Variants in CFAP44 observed in about 807,000 individuals in gnomAD.
The protein encoded by CFAP44 is cilia and flagella associated protein 44.
CFAP44 carries 134 observed loss-of-function variants against 216.2 expected under a neutral mutation model. That is an observed-to-expected ratio of 0.62 (90% confidence interval 0.54 to 0.72). CFAP44 has a LOEUF of 0.72. Among genes scored for constraint, CFAP44 ranks in the 30% least tolerant of loss-of-function variants. The pLI is 0.00. For missense variants in CFAP44, 2,035 were observed against 2,182.1 expected, an observed-to-expected ratio of 0.93 and a Z score of 1.34; for synonymous variants, 700 against 727.6, an observed-to-expected ratio of 0.96 and a Z score of 0.61.
At chr3:113,330,076 G>T in intron 26 of CFAP44, 92 bp downstream of exon 26, 1 of 1,416,604 alleles carries the variant, frequency 7.1e-7, no homozygotes, top group Non-Finnish European at 9.2e-7. Context: ...TTCATGCAGA[G>T]AAATTTTAAA....
intron 32 of CFAP44, among the ~76,000 whole-genome samples, chr3:113,298,055 C>T (rs1262282621): frequency 1.3e-5 from 2 of 152,224 alleles, no homozygotes; most frequent in African/African-American, 2.4e-5. Flanking sequence ...ATGATGTGCA[C>T]GTGTGTGCTG....
Position 113,417,340 on chromosome 3 carries a change from C to A in CFAP44, c.571-713G>T, listed in dbSNP as rs1171930423. 3 of 152,014 alleles carry A rather than the reference C, an allele frequency of 2.0e-5. No individual in the cohort carries two copies. The East Asian group carries it at 5.8e-4, about 29-fold the overall frequency. 9.4% of individuals were successfully genotyped at this position (152,014 alleles called of 1,614,324 possible). ...CACAGAGGAAAATACAGTAAGTATG[C>A]CCTGGATAAACTATTTGTGTCAGTA... is the stretch of plus-strand genomic sequence containing the variant. On this transcript the variant is annotated intron_variant, in intron 5 of 34. Coordinates refer to ENST00000393845, the MANE Select transcript of CFAP44 (RefSeq NM_001164496.2).
At position 113,330,808 on chromosome 3, in the gene CFAP44, C is replaced by G. The variant is rs144146436; in HGVS notation, c.3616-140G>C. 7.4e-4 allele frequency: 895 copies of G among 1,208,024 alleles called. 5 individuals are homozygous for G. The African/African-American group carries it at 0.012, about 16-fold the overall frequency. 74.8% of individuals were successfully genotyped at this position (1,208,024 alleles called of 1,614,324 possible). ...TTCATCTGATCATACCTTTTTACCA[C>G]CAAGTTTCCCTTTTCTTTAATATTG... On this transcript the variant is annotated intron_variant, in intron 25 of 34. Coordinates refer to ENST00000393845, the MANE Select transcript of CFAP44 (RefSeq NM_001164496.2).
Position 113,396,589 on chromosome 3 carries a change from C to A in CFAP44, c.1708G>T (p.Val570Phe). 1 of 1,614,056 alleles carries A rather than the reference C, an allele frequency of 6.2e-7. No homozygotes were observed. Among genetic ancestry groups the A allele is most frequent in the Non-Finnish European group, 8.5e-7 (1 of 1,180,008 alleles). ...ACACAAGCAGTATGGGGTTTGAAAA[C>A]CTGTTTCAACTGAATATCAGCATCC... ...ILDADIQLKQ[V>F]FKPHTACVTA... Residue 570 changes from valine to phenylalanine, a missense_variant, in exon 14 of 35, where the codon GTT (valine) becomes TTT (phenylalanine). This residue lies in a region of CFAP44 where 1,883 missense variants were observed against 2,023.7 expected (regional missense o/e 0.93). Coordinates refer to ENST00000393845, the MANE Select transcript of CFAP44 (RefSeq NM_001164496.2).
chr3:113,431,357 T>A (rs911631437), intron 2 of CFAP44, among the ~76,000 whole-genome samples: 1 of 152,024 alleles, frequency 6.6e-6, no homozygotes, highest in Non-Finnish European at 1.5e-5. Context: ...GCATCTGACA[T>A]AAGGAAGGCA....
At chr3:113,406,089 AATTAACT>A in intron 8 of CFAP44, among the ~76,000 whole-genome samples, 1 of 152,366 alleles carries the variant, frequency 6.6e-6, no homozygotes, top group Admixed American at 6.5e-5. Context: ...AACTAATCCT[AATTAACT>A]ATTGTTTCAG....
chr3:113,366,226 G>A lies in CFAP44; in HGVS notation c.2528C>T (p.Thr843Ile). 1 of 1,613,882 alleles carries A rather than the reference G, an allele frequency of 6.2e-7. No individual in the cohort carries two copies. Among genetic ancestry groups the A allele is most frequent in the Admixed American group, 1.7e-5 (1 of 60,002 alleles). Residue 843 changes from threonine (T) to isoleucine (I), a missense_variant, in exon 19 of 35, where the codon ACC becomes ATC. This residue lies in a region of CFAP44 where 1,883 missense variants were observed against 2,023.7 expected (regional missense o/e 0.93). Coordinates refer to ENST00000393845, the MANE Select transcript of CFAP44 (RefSeq NM_001164496.2). ...GAAGTGCCAGTAGTCCACCAAACTG[G>A]TCAATGAAGGATCATTTTGATTTAG... ...YVLNQNDPSL[T>I]SLVDYWHFNM...
chr3:113,341,874 T>C lies in CFAP44; in HGVS notation c.3307A>G (p.Lys1103Glu), dbSNP rs747633181. 6.5e-7 allele frequency: 1 copy of C among 1,531,532 alleles called. No individual in the cohort carries two copies. The highest frequency in any genetic ancestry group is 1.2e-5 in the South Asian group (1 of 81,756). The allele number at this position is 1,531,532 out of a possible 1,614,324, so 94.9% of individuals were successfully genotyped here. ...IQEESIIEKG[K>E]KFRPKTLSEI... Reference sequence around the variant, plus strand: ...CTTAGGGTTTTAGGCCGAAATTTCTTCCCTTTTTCTATTATTGATTCTTCT... The same window carrying C: ...CTTAGGGTTTTAGGCCGAAATTTCTCCCCTTTTTCTATTATTGATTCTTCT... Residue 1103 changes from lysine (K) to glutamate (E), a missense_variant, in exon 24 of 35, where the codon AAG (lysine) becomes GAG (glutamate). Transcript: ENST00000393845.
In CFAP44 at chr3:113,400,117, A is replaced by T. The variant is rs1204598185; in HGVS notation, c.1475-117T>A. ...AAATTTCTTAACTAAATCAGTCAAT[A>T]ACTTTCTTTTGTAAAAAATTTCAGG... is the stretch of plus-strand genomic sequence containing the variant. On this transcript the variant is annotated intron_variant, in intron 12 of 34. Transcript: ENST00000393845. The T allele has an allele frequency of 1.4e-5, 9 of 625,008 alleles. No individual in the cohort carries two copies. In the East Asian group the frequency reaches 2.5e-4, roughly 18 times the overall value. The allele number at this position is 625,008 out of a possible 1,614,324, so 38.7% of individuals were successfully genotyped here.
intron 23 of CFAP44, among the ~76,000 whole-genome samples, chr3:113,343,059 C>CTTTTTTTTTT (rs397990837): frequency 5.6e-5 from 6 of 106,772 alleles, no homozygotes; most frequent in Admixed American, 1.0e-4. Context: ...TTCTTTCTTT[C>CTTTTTTTTTT]TTTTTTTTTT....
At chr3:113,357,875 T>A (rs1383716560) in intron 22 of CFAP44, among the ~76,000 whole-genome samples, 1 of 151,990 alleles carries the variant, frequency 6.6e-6, no homozygotes, top group Non-Finnish European at 1.5e-5. Context: ...CTTATATCCA[T>A]CAAAAAACGT....
intron 6 of CFAP44, among the ~76,000 whole-genome samples, chr3:113,413,119 G>C (rs1236846851): frequency 4.6e-5 from 7 of 152,098 alleles, no homozygotes; most frequent in African/African-American, 1.4e-4. Flanking sequence ...TTTCTCTGAT[G>C]ATCAGTGATG....
At chr3:113,370,235 G>T (rs1576575220) in intron 18 of CFAP44, among the ~76,000 whole-genome samples, 1 of 151,412 alleles carries the variant, frequency 6.6e-6, no homozygotes, top group East Asian at 1.9e-4. Context: ...TTTTATGAGG[G>T]CAGCATCATC....
chr3:113,399,212 C>T (rs751156511), intron 13 of CFAP44, among the ~76,000 whole-genome samples: 2 of 152,156 alleles, frequency 1.3e-5, no homozygotes, highest in African/African-American at 2.4e-5. Flanking sequence ...ATTCCAGGCC[C>T]AGCCATTCAT....
At position 113,406,935 on chromosome 3, in the gene CFAP44, C is replaced by T. The variant is rs1475243358; in HGVS notation, c.997G>A (p.Asp333Asn). ...ATAGTAGCTGTACTCACCTTCCCAT[C>T]TGGGAGCTCCATGTAGCCTTCTATA... ...TDIEGYMELPDGKVLSGSEWG... is the reference protein window; with the variant it reads ...TDIEGYMELPNGKVLSGSEWG... Residue 333 changes from aspartate to asparagine, a missense_variant, in exon 8 of 35, where the codon GAT (aspartate) becomes AAT (asparagine). Transcript: ENST00000393845. 2 of 1,612,974 alleles carry T rather than the reference C, an allele frequency of 1.2e-6. No individual in the cohort carries two copies. The highest frequency in any genetic ancestry group is 1.7e-5 in the Admixed American group (1 of 60,014).
At chr3:113,428,837 A>G (rs1168130578) in intron 2 of CFAP44, 1 of 152,114 alleles carries the variant, frequency 6.6e-6, no homozygotes, top group East Asian at 1.9e-4. Context: ...TTTTTGGTGT[A>G]TGACCCACAA....
intron 4 of CFAP44, among the ~76,000 whole-genome samples, chr3:113,424,847 T>C (rs1425386315): frequency 6.6e-6 from 1 of 152,212 alleles, no homozygotes; most frequent in Non-Finnish European, 1.5e-5. Context: ...TTTAGGCATA[T>C]TTGTCTAATA....
chr3:113,408,863 C>CA (rs200920984), intron 7 of CFAP44, among the ~76,000 whole-genome samples: 867 of 66,096 alleles, frequency 0.013, 6 homozygotes, highest in South Asian at 0.019. Flanking sequence ...AACTCCATTT[C>CA]AAAAAAAAAA....
Position 113,327,776 on chromosome 3 carries a change from A to C in CFAP44, c.4160T>G (p.Leu1387Arg), listed in dbSNP as rs1295659847. ...ATCTAGTTTTAGTTTCTGATGTCTA[A>C]GGAGACGGAGTTCTGCATCGAAAGT... The part of the protein sequence containing the change: ...VVTFDAELRL[L>R]RHQKLKLDTQ... Residue 1387 changes from leucine (L) to arginine (R), a missense_variant, in exon 27 of 35, where the codon CTT becomes CGT. Leu to Arg is a moderately radical substitution (Grantham distance 102). Transcript: ENST00000393845. 6.5e-7 allele frequency: 1 copy of C among 1,537,008 alleles called. No homozygotes were observed. Among genetic ancestry groups the C allele is most frequent in the East Asian group, 2.4e-5 (1 of 40,892 alleles).
Sources: gnomAD v4.1 joint callset for allele counts (sites outside exome capture counted in the v4.1 genomes callset) on GRCh38, gnomAD v4.1.1 for gene constraint, gnomAD v4.1.1 regional missense constraint, MANE v1.5 for transcripts, NCBI Gene and HGNC (gene_info 2026-07-23, HGNC 2026-07-21) for gene names.